Variants in SLC12A7 observed in about 807,000 individuals in gnomAD.
SLC12A7 encodes the protein solute carrier family 12 member 7.
A neutral mutation model predicts 120.6 loss-of-function variants in SLC12A7; 100 were observed. The ratio of observed to expected loss-of-function variants is 0.83; its 90% CI spans 0.71 to 0.98. The LOEUF is 0.98. Among genes scored for constraint, SLC12A7 ranks in the 50% least tolerant of loss-of-function variants. SLC12A7 has a pLI of 0.00. For synonymous variants in SLC12A7, 760 were observed against 678.0 expected (o/e 1.12, Z -1.88); for missense variants, 1,373 against 1,548.1 (o/e 0.89, Z 1.90).
intron 1 of SLC12A7, among the ~76,000 whole-genome samples, chr5:1,108,323 C>T (rs1226535304): frequency 1.3e-5 from 2 of 152,256 alleles, no homozygotes; most frequent in Non-Finnish European, 2.9e-5. Context: ...GGATGCCCAG[C>T]AGCCACGGCG....
chr5:1,061,973 T>A (rs1736341438), intron 20 of SLC12A7, among the ~76,000 whole-genome samples: 1 of 152,120 alleles, frequency 6.6e-6, no homozygotes, highest in South Asian at 2.1e-4. Flanking sequence ...CCAGACTGAA[T>A]GGCAGCGACC....
At chr5:1,154,856 G>T in the SLC12A7 span, among the ~76,000 whole-genome samples, 8 of 152,228 alleles carry the variant, frequency 5.3e-5, no homozygotes, top group African/African-American at 1.7e-4. Flanking sequence ...CCCTGGCCAT[G>T]CCAGGCGGGA....
At chr5:1,062,359 C>A (rs1200618077) in intron 20 of SLC12A7, among the ~76,000 whole-genome samples, 1 of 152,268 alleles carries the variant, frequency 6.6e-6, no homozygotes, top group African/African-American at 2.4e-5. Flanking sequence ...ACCCCTACAA[C>A]CTTGAACCCG....
intron 23 of SLC12A7, among the ~76,000 whole-genome samples, chr5:1,052,999 C>T (rs1021466835): frequency 6.6e-6 from 1 of 152,230 alleles, no homozygotes; most frequent in Non-Finnish European, 1.5e-5. Flanking sequence ...CCGTTGTCGG[C>T]GCAGGGTGGG....
intron 1 of SLC12A7, among the ~76,000 whole-genome samples, chr5:1,099,392 G>A (rs1741758448): frequency 6.6e-6 from 1 of 151,278 alleles, no homozygotes; most frequent in Non-Finnish European, 1.5e-5. Context: ...GGGGACAGCA[G>A]GGCCCGACCC....
rs1735721081 is a variant in SLC12A7 at position 1,057,276 on chromosome 5, T to C, written c.3026+195A>G. 5.2e-6 allele frequency: 3 copies of C among 579,658 alleles called. No homozygotes were observed. The East Asian group carries it at 9.2e-5, about 18-fold the overall frequency. The allele number at this position is 579,658 out of a possible 1,614,324, so 35.9% of individuals were successfully genotyped here. A position where few individuals can be genotyped will look rare whatever the true frequency, so the allele number is the denominator to read the frequency against. ...ATCCCTCAGCGCCCGGCCACAGGGC[T>C]GAACTCAGGGCCCGGCCTTGGCACC... On this transcript the variant is annotated intron_variant, in intron 22 of 23. Coordinates refer to ENST00000264930, the MANE Select transcript of SLC12A7 (RefSeq NM_006598.3).
At chr5:1,127,535 AG>A in the SLC12A7 span, among the ~76,000 whole-genome samples, 2 of 152,236 alleles carry the variant, frequency 1.3e-5, no homozygotes, top group Non-Finnish European at 2.9e-5. Flanking sequence ...ACCACTGAGA[AG>A]GCAGATCTGT....
chr5:1,129,995 G>A, the SLC12A7 span, among the ~76,000 whole-genome samples: 3 of 152,180 alleles, frequency 2.0e-5, no homozygotes, highest in Admixed American at 6.5e-5. Flanking sequence ...GGCAGTCAAA[G>A]CTACCTCTGC....
the SLC12A7 span, among the ~76,000 whole-genome samples, chr5:1,136,287 CAT>C: frequency 6.6e-6 from 1 of 152,204 alleles, no homozygotes; most frequent in Non-Finnish European, 1.5e-5. Context: ...CCCACCAAGA[CAT>C]GAGACACGAC....
chr5:1,064,563 C>T (rs546635923), intron 18 of SLC12A7, among the ~76,000 whole-genome samples: 5 of 152,378 alleles, frequency 3.3e-5, no homozygotes, highest in Admixed American at 6.5e-5. Flanking sequence ...CACACACCCT[C>T]GGGTCGGTGG....
In SLC12A7 at chr5:1,060,544, G is replaced by C. The variant is rs1333887554; in HGVS notation, c.2740-93C>G. 4 of 936,178 alleles carry C rather than the reference G, an allele frequency of 4.3e-6. No homozygotes were observed. In the Admixed American group the frequency reaches 7.8e-5, roughly 18 times the overall value. The allele number at this position is 936,178 out of a possible 1,614,324, so 58.0% of individuals were successfully genotyped here. A position where few individuals can be genotyped will look rare whatever the true frequency, so the allele number is the denominator to read the frequency against. On this transcript the variant is annotated intron_variant, in intron 20 of 23. Coordinates refer to ENST00000264930, the MANE Select transcript of SLC12A7 (RefSeq NM_006598.3). ...CGGTACCCAGAGACCGAGCCGCCCT[G>C]AGCGGTGGGAAAGGCCACGCGTCCC...
At chr5:1,054,608 C>T (rs1363450314) in intron 22 of SLC12A7, among the ~76,000 whole-genome samples, 3 of 152,132 alleles carry the variant, frequency 2.0e-5, no homozygotes, top group Non-Finnish European at 4.4e-5. Flanking sequence ...GCCGTGCGGT[C>T]GTGACTGTGG....
chr5:1,121,789 G>A, the SLC12A7 span, among the ~76,000 whole-genome samples: 4 of 152,170 alleles, frequency 2.6e-5, no homozygotes, highest in Admixed American at 6.5e-5. Flanking sequence ...CCCCGGAGCC[G>A]CGCAGTTTCT....
chr5:1,063,229 A>G (rs1007755854), intron 20 of SLC12A7, among the ~76,000 whole-genome samples: 3 of 152,178 alleles, frequency 2.0e-5, no homozygotes, highest in African/African-American at 7.2e-5. Context: ...GTCCCACGTG[A>G]CAGCTGCAGC....
chr5:1,089,557 G>A (rs1201249192), intron 3 of SLC12A7, among the ~76,000 whole-genome samples: 27 of 145,614 alleles, frequency 1.9e-4, no homozygotes, highest in African/African-American at 6.3e-4. Flanking sequence ...TGAGACGGCT[G>A]CTGCCCATAA....
chr5:1,074,760 T>A, intron 15 of SLC12A7, 89 bp from the exon 16 acceptor site: 1 of 1,253,358 alleles, frequency 8.0e-7, no homozygotes, highest in Non-Finnish European at 1.1e-6. Flanking sequence ...GGCAGGTGAG[T>A]TGGGGCAAAC....
the SLC12A7 span, among the ~76,000 whole-genome samples, chr5:1,143,464 C>T: frequency 6.6e-6 from 1 of 152,180 alleles, no homozygotes; most frequent in Non-Finnish European, 1.5e-5. Context: ...TCCCTGGTGT[C>T]GCTTTCTCTT....
the SLC12A7 span, among the ~76,000 whole-genome samples, chr5:1,138,504 G>A: frequency 1.3e-4 from 20 of 152,132 alleles, no homozygotes; most frequent in Admixed American, 4.6e-4. Flanking sequence ...GAGGCCCAGC[G>A]GGCTTCACCT....
chr5:1,101,603 G>GT (rs1742025782), intron 1 of SLC12A7, among the ~76,000 whole-genome samples: 2 of 150,834 alleles, frequency 1.3e-5, no homozygotes, highest in South Asian at 4.4e-4. Flanking sequence ...CCACAAGTCA[G>GT]TTTTTTCTCG....
Sources: allele counts gnomAD v4.1 joint callset (sites outside exome capture counted in the v4.1 genomes callset), GRCh38; gene constraint gnomAD v4.1.1; transcripts MANE v1.5; gene names NCBI Gene and HGNC (gene_info 2026-07-23, HGNC 2026-07-21).